FNIP2: variants seen among roughly 807,000 people sequenced by gnomAD.
The protein encoded by FNIP2 is folliculin interacting protein 2.
Under a neutral mutation model 108.7 loss-of-function variants are expected in FNIP2, and 32 were observed. The observed-to-expected ratio is 0.29, with a 90% CI of 0.22 to 0.40. The LOEUF (loss-of-function observed/expected upper bound fraction) is 0.40, where lower values mean the gene tolerates loss of function less well. FNIP2 is among the 10% of genes least tolerant of loss of function. The probability of loss-of-function intolerance (pLI) is 1.00; values close to 1 mark genes in which losing one functional copy is unlikely to be tolerated. For missense variants in FNIP2, 1,202 were observed against 1,381.6 expected (o/e 0.87, Z 2.06); for synonymous variants, 480 against 496.7 (o/e 0.97, Z 0.45).
chr4:158,824,591 T>C (rs921757482), intron 1 of FNIP2, among the ~76,000 whole-genome samples: 1 of 152,204 alleles, frequency 6.6e-6, no homozygotes, highest in Non-Finnish European at 1.5e-5. Context: ...ACTCTTATTA[T>C]GAATTCTGTT....
rs756981500 is a variant in FNIP2 at position 158,829,115 on chromosome 4, T to C, written c.271T>C (p.Cys91Arg). ...TGTTCCTATTAAAATATCAGCCAAG[T>C]GCTGCCAGGGAAGCAGCAGTGTCAG... ...EDVPIKISAK[C>R]CQGSSSVSSS... The change falls in exon 3 of 17, where the codon TGC (cysteine) becomes CGC (arginine). Residue 91 changes from cysteine to arginine, a missense_variant. Physicochemically the swap from Cys to Arg is radical, Grantham distance 180 (BLOSUM62 -3). Coordinates refer to ENST00000264433, the MANE Select transcript of FNIP2 (RefSeq NM_020840.3). 6.2e-7 allele frequency: 1 copy of C among 1,612,304 alleles called. No individual in the cohort carries two copies. Among genetic ancestry groups the C allele is most frequent in the Non-Finnish European group, 8.5e-7 (1 of 1,179,186 alleles).
chr4:158,777,780 A>C (rs1317657015), intron 1 of FNIP2, among the ~76,000 whole-genome samples: 1 of 152,222 alleles, frequency 6.6e-6, no homozygotes, highest in Non-Finnish European at 1.5e-5. Flanking sequence ...GCTTAGTGCC[A>C]TGTGTACCTG....
At chr4:158,858,477 G>T (rs1438994894) in intron 8 of FNIP2, among the ~76,000 whole-genome samples, 1 of 152,156 alleles carries the variant, frequency 6.6e-6, no homozygotes, top group African/African-American at 2.4e-5. Context: ...TCTCTCAAAA[G>T]AATCAGGTTT....
rs1199203937 is a variant in FNIP2 at position 158,823,849 on chromosome 4, T to C, written c.108-2067T>C. Among the ~76,000 whole-genome samples, 5 of 152,312 alleles carry C rather than the reference T, an allele frequency of 3.3e-5. No individual in the cohort carries two copies. In the East Asian group the frequency reaches 7.7e-4, roughly 24 times the overall value. The stretch of plus-strand genomic sequence containing the variant: ...CTTGGGTCATGTGGCCATGTCTCAT[T>C]AGCCAGACCTGAAACATGGACTCCC... On this transcript the variant is annotated intron_variant, in intron 1 of 16. Transcript: ENST00000264433.
At chr4:158,865,297 C>T (rs1780518705) in intron 12 of FNIP2, among the ~76,000 whole-genome samples, 1 of 152,010 alleles carries the variant, frequency 6.6e-6, no homozygotes, top group Non-Finnish European at 1.5e-5. Flanking sequence ...TTCATGAAAA[C>T]AAATCTATTC....
At chr4:158,867,864 G>T (rs546129394) in intron 12 of FNIP2, among the ~76,000 whole-genome samples, 1 of 152,316 alleles carries the variant, frequency 6.6e-6, no homozygotes, top group South Asian at 2.1e-4. Context: ...GGGGCTGTGG[G>T]CACAGCAGCA....
chr4:158,794,947 C>T (rs569403480), intron 1 of FNIP2, among the ~76,000 whole-genome samples: 6 of 152,290 alleles, frequency 3.9e-5, no homozygotes, highest in Non-Finnish European at 8.8e-5. Context: ...CGATTACTGT[C>T]ATAAGTACTA....
intron 1 of FNIP2, among the ~76,000 whole-genome samples, chr4:158,801,434 T>C (rs1776758876): frequency 1.3e-5 from 2 of 152,184 alleles, no homozygotes; most frequent in Admixed American, 1.3e-4. Context: ...AATTGCCTCC[T>C]CCTTAGCCCC....
At chr4:158,836,156 C>G (rs972111258) in intron 7 of FNIP2, 1 of 152,190 alleles carries the variant, frequency 6.6e-6, no homozygotes, top group African/African-American at 2.4e-5. Flanking sequence ...CTAGGAGCAC[C>G]CTGCTGGTTT....
chr4:158,769,400 A>C, intron 1 of FNIP2, 81 bp downstream of exon 1: 1 of 975,946 alleles, frequency 1.0e-6, no homozygotes, highest in Non-Finnish European at 1.4e-6. Flanking sequence ...GGGTAGGGGA[A>C]AGGGAAGGGA....
intron 3 of FNIP2, among the ~76,000 whole-genome samples, chr4:158,830,466 G>A (rs1778417789): frequency 6.6e-6 from 1 of 151,780 alleles, no homozygotes; most frequent in Non-Finnish European, 1.5e-5. Flanking sequence ...GTTTCACCTT[G>A]TTAGCCAGGA....
At chr4:158,834,305 T>TCTCC (rs1778660391) in intron 6 of FNIP2, 1 of 148,006 alleles carries the variant, frequency 6.8e-6, no homozygotes, top group Admixed American at 6.8e-5. Context: ...TCTCTCTCTC[T>TCTCC]CTCTCTCTCT....
At chr4:158,857,397 T>C (rs192936971) in intron 8 of FNIP2, among the ~76,000 whole-genome samples, 1 of 152,308 alleles carries the variant, frequency 6.6e-6, no homozygotes, top group African/African-American at 2.4e-5. Flanking sequence ...TTGTATGAAA[T>C]TGTGTGAAGT....
At chr4:158,810,560 G>T (rs1489329553) in intron 1 of FNIP2, among the ~76,000 whole-genome samples, 1 of 152,188 alleles carries the variant, frequency 6.6e-6, no homozygotes, top group Non-Finnish European at 1.5e-5. Flanking sequence ...GCAGTGTTGT[G>T]TCTGATTTAG....
At chr4:158,787,381 C>T (rs920462657) in intron 1 of FNIP2, among the ~76,000 whole-genome samples, 1 of 152,168 alleles carries the variant, frequency 6.6e-6, no homozygotes, top group Non-Finnish European at 1.5e-5. Flanking sequence ...TGCTCTGCGC[C>T]AACGACTGGT....
intron 14 of FNIP2, among the ~76,000 whole-genome samples, chr4:158,881,965 G>T (rs1188350408): frequency 6.7e-6 from 1 of 150,308 alleles, no homozygotes; most frequent in South Asian, 2.1e-4. Flanking sequence ...TGGGAAGTGA[G>T]GAGCGCCTCT....
intron 7 of FNIP2, among the ~76,000 whole-genome samples, chr4:158,842,569 T>TG (rs1779187625): frequency 1.3e-5 from 2 of 152,202 alleles, no homozygotes; most frequent in Non-Finnish European, 2.9e-5. Flanking sequence ...GACATATAAA[T>TG]GCGCAGAGTG....
At chr4:158,852,194 C>G (rs1167681561) in intron 8 of FNIP2, among the ~76,000 whole-genome samples, 1 of 152,108 alleles carries the variant, frequency 6.6e-6, no homozygotes, top group Non-Finnish European at 1.5e-5. Flanking sequence ...CACAGGGAGA[C>G]ATAAAGTGCC....
intron 14 of FNIP2, among the ~76,000 whole-genome samples, chr4:158,880,015 C>T (rs1781496039): frequency 6.7e-6 from 1 of 150,204 alleles, no homozygotes; most frequent in African/African-American, 2.5e-5. Context: ...CTAGTTCAAC[C>T]ATTGTGGAAG....
Sources: allele counts gnomAD v4.1 joint callset (sites outside exome capture counted in the v4.1 genomes callset), GRCh38; gene constraint gnomAD v4.1.1; transcripts MANE v1.5; gene names NCBI Gene and HGNC (gene_info 2026-07-23, HGNC 2026-07-21).